PXDN: variants seen among roughly 807,000 people sequenced by gnomAD.
PXDN encodes the protein peroxidasin, also known as peroxidasin homolog.
PXDN carries 77 observed loss-of-function variants against 140.3 expected under a neutral mutation model. That is an observed-to-expected ratio of 0.55 (90% CI 0.46 to 0.66). PXDN has a LOEUF of 0.66. PXDN is among the 30% of genes least tolerant of loss of function. PXDN has a pLI of 0.00. For missense variants in PXDN, 1,838 were observed against 2,039.5 expected (o/e 0.90, Z 1.90); for synonymous variants, 911 against 857.4 (o/e 1.06, Z -1.09).
chr2:1,710,959 T>C (rs1403330233), intron 1 of PXDN, among the ~76,000 whole-genome samples: 130 of 42,214 alleles, frequency 3.1e-3, no homozygotes, highest in Non-Finnish European at 3.3e-3. Context: ...GCTCCACCAG[T>C]ACCCACTCTC....
At position 1,680,453 on chromosome 2, in the gene PXDN, A is replaced by T. The variant is rs892109596; in HGVS notation, c.561-91T>A. 6 of 1,494,174 alleles carry T rather than the reference A, an allele frequency of 4.0e-6. No individual in the cohort carries two copies. In the African/African-American group the frequency reaches 8.3e-5, roughly 21 times the overall value. 92.6% of individuals were successfully genotyped at this position (1,494,174 alleles called of 1,614,324 possible). On this transcript the variant is annotated intron_variant, in intron 6 of 22. Transcript: ENST00000252804. ...CAGGGCTTCCAGGTCCCGCGTCGGGAAACATGTGCCAGGCCTGCCAGGCTT... is the reference window on the plus strand; with the variant it reads ...CAGGGCTTCCAGGTCCCGCGTCGGGTAACATGTGCCAGGCCTGCCAGGCTT...
intron 6 of PXDN, 57 bp downstream of exon 6, chr2:1,683,599 A>G (rs929707370): frequency 2.3e-6 from 3 of 1,326,192 alleles, no homozygotes; most frequent in Non-Finnish European, 3.2e-6. Flanking sequence ...AGGTGAATAG[A>G]TAACAGAGAG....
At chr2:1,696,390 G>A (rs1290589264) in intron 1 of PXDN, among the ~76,000 whole-genome samples, 2 of 151,586 alleles carry the variant, frequency 1.3e-5, no homozygotes, top group Non-Finnish European at 2.9e-5. Context: ...ACTATGAAGA[G>A]GGTAAAACAA....
At chr2:1,711,682 G>T (rs535127324) in intron 1 of PXDN, among the ~76,000 whole-genome samples, 1 of 148,792 alleles carries the variant, frequency 6.7e-6, no homozygotes, top group Non-Finnish European at 1.5e-5. Context: ...AGCACCTGCC[G>T]AACCACTAGG....
At chr2:1,720,279 T>G (rs1220651778) in intron 1 of PXDN, among the ~76,000 whole-genome samples, 28 of 43,458 alleles carry the variant, frequency 6.4e-4, no homozygotes, top group East Asian at 1.2e-3. Context: ...GAGGGAGGGA[T>G]GCAGAGAGAG....
intron 1 of PXDN, among the ~76,000 whole-genome samples, chr2:1,737,583 A>C (rs1016584054): frequency 1.3e-5 from 2 of 151,636 alleles, no homozygotes; most frequent in African/African-American, 4.8e-5. Context: ...TCTGTCCCCC[A>C]AGCTGGAGTT....
chr2:1,666,376 T>A lies in PXDN; in HGVS notation c.1129A>T (p.Arg377Ter). 6.2e-7 allele frequency: 1 copy of A among 1,613,938 alleles called. No individual in the cohort carries two copies. Among genetic ancestry groups the A allele is most frequent in the Non-Finnish European group, 8.5e-7 (1 of 1,179,884 alleles). ...GHPPPRISWT[R>*]GDRTPLPVDP... The stretch of plus-strand genomic sequence containing the variant: ...ACTGGCAAGGGTGTGCGGTCACCTC[T>A]CGTCCAGGAGATCCGCGGCGGGGGG... The change falls in exon 10 of 23, where the codon AGA becomes TGA. Residue 377 changes from arginine to a stop codon, truncating the protein, a stop_gained. Coordinates refer to ENST00000252804, the MANE Select transcript of PXDN (RefSeq NM_012293.3). LOFTEE classifies it high-confidence loss of function.
chr2:1,679,087 C>CAT lies in PXDN; in HGVS notation c.730+1104_730+1105dup, dbSNP rs749836517. The stretch of plus-strand genomic sequence containing the variant: ...AAATAAACAGCCGTGTATGTGCATG[C>CAT]ATGTGTGTGTGTGTGTGTGTGTGTG... On this transcript the variant is annotated intron_variant, in intron 7 of 22. Coordinates refer to ENST00000252804, the MANE Select transcript of PXDN (RefSeq NM_012293.3). Among the ~76,000 whole-genome samples the CAT allele has an allele frequency of 1.1e-4, 12 of 110,820 alleles. No homozygotes were observed. The East Asian group carries it at 1.8e-3, about 16-fold the overall frequency. The allele number at this position is 110,820 out of a possible 152,430, so 72.7% of individuals were successfully genotyped here. A position where few individuals can be genotyped will look rare whatever the true frequency, so the allele number is the denominator to read the frequency against.
At chr2:1,716,246 T>A (rs1391976432) in intron 1 of PXDN, among the ~76,000 whole-genome samples, 1 of 152,024 alleles carries the variant, frequency 6.6e-6, no homozygotes. Flanking sequence ...GAAACCAGCC[T>A]GACCAATATG....
In PXDN at chr2:1,687,509, C is replaced by T; in HGVS notation, c.416+123G>A. 1.5e-6 allele frequency: 1 copy of T among 650,484 alleles called. No individual in the cohort carries two copies. The highest frequency in any genetic ancestry group is 2.4e-6 in the Non-Finnish European group (1 of 420,024). 40.3% of individuals were successfully genotyped at this position (650,484 alleles called of 1,614,324 possible). A position where few individuals can be genotyped will look rare whatever the true frequency, so the allele number is the denominator to read the frequency against. On this transcript the variant is annotated intron_variant, in intron 4 of 22. Coordinates refer to ENST00000252804, the MANE Select transcript of PXDN (RefSeq NM_012293.3). The surrounding 1 kb of genome is among the most constrained non-coding windows in gnomAD (Gnocchi z 4.0). ...TTTTTCCGTCATCATGCACGTACTC[C>T]CCGCACCTCAGGTAGCATAGTCATG...
At chr2:1,674,476 A>C (rs1396301951) in intron 8 of PXDN, among the ~76,000 whole-genome samples, 1 of 152,020 alleles carries the variant, frequency 6.6e-6, no homozygotes, top group Non-Finnish European at 1.5e-5. Flanking sequence ...GACACAGGTG[A>C]CCCCACCTTT....
rs550694319 is a variant in PXDN at position 1,665,037 on chromosome 2, G to A, written c.1329C>T (p.Val443=). The A allele has an allele frequency of 9.9e-5, 160 of 1,611,854 alleles. No homozygotes were observed. In the Middle Eastern group the frequency reaches 1.2e-3, roughly 12 times the overall value. ...AATCCACGGTCTGGCCCTCAATAAC[G>A]ACTCTGTCCTGAGGCGTCACAGTGA... ...PQFTVTPQDR[V]VIEGQTVDFQ... is the part of the protein sequence containing the mutation. Residue 443 remains valine (V), a synonymous_variant, in exon 11 of 23, where the codon GTC becomes GTT. Coordinates refer to ENST00000252804, the MANE Select transcript of PXDN (RefSeq NM_012293.3).
At chr2:1,723,325 A>T (rs1685097284) in intron 1 of PXDN, among the ~76,000 whole-genome samples, 1 of 152,158 alleles carries the variant, frequency 6.6e-6, no homozygotes. Context: ...GGAGGGATGG[A>T]TGATGAATAA....
intron 1 of PXDN, among the ~76,000 whole-genome samples, chr2:1,696,352 C>T (rs1281725810): frequency 6.6e-6 from 1 of 152,086 alleles, no homozygotes; most frequent in African/African-American, 2.4e-5. Flanking sequence ...CCACCATGCT[C>T]TAAGGCAGAG....
intron 6 of PXDN, among the ~76,000 whole-genome samples, chr2:1,681,571 A>G (rs1225813487): frequency 6.6e-6 from 1 of 151,864 alleles, no homozygotes; most frequent in Non-Finnish European, 1.5e-5. Flanking sequence ...CAGGAGGGGA[A>G]GGGGAGGCTA....
intron 16 of PXDN, among the ~76,000 whole-genome samples, chr2:1,650,698 C>T (rs1009352472): frequency 4.6e-5 from 7 of 152,160 alleles, no homozygotes; most frequent in Admixed American, 2.6e-4. Flanking sequence ...CACACGCACA[C>T]ACACATGCAC....
intron 1 of PXDN, among the ~76,000 whole-genome samples, chr2:1,725,616 A>G (rs953473984): frequency 6.6e-6 from 1 of 152,228 alleles, no homozygotes; most frequent in African/African-American, 2.4e-5. Context: ...ATAGCAAAAC[A>G]AACTACCATC....
chr2:1,640,505 T>G (rs1449936909), intron 19 of PXDN, among the ~76,000 whole-genome samples: 1 of 152,186 alleles, frequency 6.6e-6, no homozygotes, highest in Admixed American at 6.5e-5. Context: ...GACAGAGACC[T>G]AAAGCTCCCT....
intron 14 of PXDN, among the ~76,000 whole-genome samples, chr2:1,655,318 CCA>C (rs1028768206): frequency 1.3e-5 from 2 of 150,774 alleles, no homozygotes; most frequent in East Asian, 2.0e-4. Flanking sequence ...CACACACACG[CCA>C]CACACAGATA....
Sources: allele counts gnomAD v4.1 joint callset (sites outside exome capture counted in the v4.1 genomes callset), GRCh38; gene constraint gnomAD v4.1.1; non-coding constraint Gnocchi (gnomAD v3.1); transcripts MANE v1.5; gene names NCBI Gene and HGNC (gene_info 2026-07-23, HGNC 2026-07-21).